Variants in MED27 observed in about 807,000 individuals in gnomAD.
The protein encoded by MED27 is mediator of RNA polymerase II transcription subunit 27.
A neutral mutation model predicts 38.2 loss-of-function variants in MED27; 30 were observed. The ratio of observed to expected loss-of-function variants is 0.79; its 90% CI spans 0.59 to 1.07. The LOEUF is 1.07. Ranked by LOEUF, MED27 falls within the 50% of genes least tolerant of loss-of-function variation. The probability of loss-of-function intolerance (pLI) is 0.00; values close to 1 mark genes in which losing one functional copy is unlikely to be tolerated. For missense variants in MED27, 289 were observed against 397.5 expected (o/e 0.73, Z 2.32); for synonymous variants, 122 against 153.5 (o/e 0.79, Z 1.52).
In MED27 at chr9:131,866,082, A is replaced by G. The variant is rs190569460; in HGVS notation, c.724-2942T>C. Among the ~76,000 whole-genome samples the G allele has an allele frequency of 2.9e-3, 437 of 152,274 alleles. 3 individuals are homozygous for G. The highest frequency in any genetic ancestry group is 0.01 in the African/African-American group (417 of 41,550). On this transcript the variant is annotated intron_variant, in intron 6 of 7. Transcript: ENST00000292035. ...GTGGCCTTTGGAGTTTAGAGCCTCT[A>G]ACCAAACCAACAAGACCCTGCACTC...
Position 131,860,420 on chromosome 9 carries a change from G to T in MED27, c.*118C>A. 8.2e-7 allele frequency: 1 copy of T among 1,223,346 alleles called. No individual in the cohort carries two copies. Among genetic ancestry groups the T allele is most frequent in the Non-Finnish European group, 1.1e-6 (1 of 907,822 alleles). 75.8% of individuals were successfully genotyped at this position (1,223,346 alleles called of 1,614,324 possible). A position where few individuals can be genotyped will look rare whatever the true frequency, so the allele number is the denominator to read the frequency against. The stretch of plus-strand genomic sequence containing the variant: ...CTCTGCACACATGGCGCTGCTTTAT[G>T]AAAGGGAGGAGCAGCTGTACACATC... On this transcript the variant is annotated 3_prime_UTR_variant, in exon 8 of 8. Coordinates refer to ENST00000292035, the MANE Select transcript of MED27 (RefSeq NM_004269.4). This position sits in a 1 kb window ranked among gnomAD's most constrained non-coding sequence, Gnocchi z 5.8.
At chr9:132,065,314 A>C (rs1833784805) in intron 2 of MED27, among the ~76,000 whole-genome samples, 1 of 152,240 alleles carries the variant, frequency 6.6e-6, no homozygotes, top group Admixed American at 6.5e-5. Flanking sequence ...ACTAAAAATA[A>C]CAGTGGTCTA....
intron 3 of MED27, among the ~76,000 whole-genome samples, chr9:131,949,715 T>G (rs1830952201): frequency 1.3e-5 from 2 of 152,226 alleles, no homozygotes; most frequent in South Asian, 4.1e-4. Context: ...TTGGTAAATA[T>G]TCATGCAGTG....
intron 3 of MED27, among the ~76,000 whole-genome samples, chr9:131,972,681 G>T (rs1831505306): frequency 6.6e-6 from 1 of 152,196 alleles, no homozygotes; most frequent in Admixed American, 6.5e-5. Context: ...GCTTTCATGG[G>T]AACAAGGTCA....
chr9:132,069,815 A>G (rs1307616296), intron 2 of MED27, among the ~76,000 whole-genome samples: 6 of 152,192 alleles, frequency 3.9e-5, no homozygotes, highest in African/African-American at 1.4e-4. Context: ...AGTGGGGGAA[A>G]GCCACTGGCA....
intron 2 of MED27, among the ~76,000 whole-genome samples, chr9:132,072,554 C>G (rs1347941032): frequency 6.6e-6 from 1 of 151,936 alleles, no homozygotes; most frequent in African/African-American, 2.4e-5. Context: ...CCCACGGTAT[C>G]CAGGGTTTGC....
At chr9:131,915,240 G>T (rs1457812121) in intron 4 of MED27, among the ~76,000 whole-genome samples, 2 of 152,192 alleles carry the variant, frequency 1.3e-5, no homozygotes, top group African/African-American at 4.8e-5. Context: ...AGTGAAGGGG[G>T]AGGTGACCCT....
intron 4 of MED27, among the ~76,000 whole-genome samples, chr9:131,902,100 G>T (rs1829958684): frequency 6.6e-6 from 1 of 152,100 alleles, no homozygotes; most frequent in Non-Finnish European, 1.5e-5. Flanking sequence ...CTGTTAAAGG[G>T]CTTAAAGCCT....
chr9:131,961,616 C>T (rs1334045292), intron 3 of MED27, among the ~76,000 whole-genome samples: 4 of 152,156 alleles, frequency 2.6e-5, no homozygotes, highest in Admixed American at 2.0e-4. Flanking sequence ...TGACCATTGG[C>T]CTCTGTGTTT....
chr9:131,898,101 A>ATAT (rs1829864576), intron 4 of MED27, among the ~76,000 whole-genome samples: 1 of 131,904 alleles, frequency 7.6e-6, no homozygotes. Context: ...TGCAGGTTTG[A>ATAT]TTTTTTTTTT....
chr9:132,066,510 A>C (rs1833812695), intron 2 of MED27, among the ~76,000 whole-genome samples: 1 of 152,248 alleles, frequency 6.6e-6, no homozygotes, highest in African/African-American at 2.4e-5. Context: ...AACCGTCCCC[A>C]GTGTGATGTG....
intron 2 of MED27, among the ~76,000 whole-genome samples, chr9:132,047,732 GT>G (rs1833374321): frequency 6.6e-6 from 1 of 152,026 alleles, no homozygotes; most frequent in Non-Finnish European, 1.5e-5. Flanking sequence ...ATATTATACA[GT>G]TTTTAAAATC....
chr9:131,908,789 T>C (rs371713358), intron 4 of MED27, among the ~76,000 whole-genome samples: 6 of 152,022 alleles, frequency 3.9e-5, no homozygotes, highest in South Asian at 4.2e-4. Flanking sequence ...CTTTGTTCAC[T>C]TGTTTATCTG....
chr9:131,998,197 C>G (rs1213322440), intron 3 of MED27, among the ~76,000 whole-genome samples: 2 of 151,370 alleles, frequency 1.3e-5, no homozygotes, highest in Non-Finnish European at 2.9e-5. Context: ...TTGGGGAGAG[C>G]TACGAACAGC....
At chr9:132,061,335 T>C (rs915471952) in intron 2 of MED27, among the ~76,000 whole-genome samples, 1 of 152,170 alleles carries the variant, frequency 6.6e-6, no homozygotes, top group Non-Finnish European at 1.5e-5. Flanking sequence ...GCCAGCATGG[T>C]TAGAACTGGA....
chr9:131,976,354 C>G (rs1169955797), intron 3 of MED27, among the ~76,000 whole-genome samples: 1 of 152,186 alleles, frequency 6.6e-6, no homozygotes, highest in African/African-American at 2.4e-5. Flanking sequence ...GCTGGAGATT[C>G]AATTATCCTC....
chr9:132,033,233 T>A (rs1833001471), intron 2 of MED27, among the ~76,000 whole-genome samples: 1 of 152,158 alleles, frequency 6.6e-6, no homozygotes, highest in Non-Finnish European at 1.5e-5. Context: ...AGGGCACAGG[T>A]TAACAATGTT....
intron 2 of MED27, among the ~76,000 whole-genome samples, chr9:132,037,988 C>T (rs955428872): frequency 1.5e-4 from 23 of 151,974 alleles, no homozygotes; most frequent in African/African-American, 5.3e-4. Flanking sequence ...GATGCATTGA[C>T]GCAACCAATA....
intron 2 of MED27, among the ~76,000 whole-genome samples, chr9:132,028,336 A>C (rs1273051317): frequency 1.3e-5 from 2 of 152,112 alleles, no homozygotes; most frequent in Non-Finnish European, 2.9e-5. Flanking sequence ...TTACATACAG[A>C]GGGTTTGTTT....
Sources: allele counts gnomAD v4.1 joint callset (sites outside exome capture counted in the v4.1 genomes callset), GRCh38; gene constraint gnomAD v4.1.1; non-coding constraint Gnocchi (gnomAD v3.1); transcripts MANE v1.5; gene names NCBI Gene and HGNC (gene_info 2026-07-23, HGNC 2026-07-21).